IL6ST: variants seen among roughly 807,000 people sequenced by gnomAD.
The protein encoded by IL6ST is interleukin 6 cytokine family signal transducer.
Under a neutral mutation model 91.3 loss-of-function variants are expected in IL6ST, and 24 were observed. The observed-to-expected ratio is 0.26, with a 90% confidence interval of 0.19 to 0.37. The LOEUF is 0.37. Among genes scored for constraint, IL6ST ranks in the 10% least tolerant of loss-of-function variants. The pLI, the probability that IL6ST is intolerant of heterozygous loss-of-function variation, is 1.00. For synonymous variants in IL6ST, 351 were observed against 373.6 expected, an observed-to-expected ratio of 0.94 and a Z score of 0.70; for missense variants, 914 against 1,078.5, an observed-to-expected ratio of 0.85 and a Z score of 2.14.
chr5:55,958,526 G>A (rs1752117091), intron 8 of IL6ST, among the ~76,000 whole-genome samples: 1 of 152,042 alleles, frequency 6.6e-6, no homozygotes, highest in Non-Finnish European at 1.5e-5. Context: ...AGTAGAATAA[G>A]ACAGGAGTTG....
At chr5:55,952,397 A>G (rs1351939491) in intron 11 of IL6ST, 46 bp from the exon 12 acceptor site, 6 of 1,111,360 alleles carry the variant, frequency 5.4e-6, no homozygotes, top group Non-Finnish European at 8.0e-6. Flanking sequence ...ATAATGAAAA[A>G]GTCAAGTTAA....
chr5:55,958,534 T>C (rs929974651), intron 8 of IL6ST, among the ~76,000 whole-genome samples: 2 of 151,534 alleles, frequency 1.3e-5, no homozygotes, highest in Non-Finnish European at 1.5e-5. Flanking sequence ...AAGACAGGAG[T>C]TGAATAAAAT....
intron 12 of IL6ST, 37 bp from the exon 13 acceptor site, chr5:55,952,112 A>G (rs777810683): frequency 1.7e-5 from 27 of 1,584,212 alleles, no homozygotes; most frequent in Non-Finnish European, 2.2e-5. Context: ...ACTGAAAATC[A>G]TTTACAATCT....
chr5:55,975,942 TTTAAAG>T (rs1012058296), intron 3 of IL6ST, among the ~76,000 whole-genome samples: 5 of 151,564 alleles, frequency 3.3e-5, no homozygotes, highest in Admixed American at 3.3e-4. Context: ...CCTTCCCCAT[TTTAAAG>T]TTATTGTTAG....
At chr5:55,988,972 A>T (rs1251673211) in intron 1 of IL6ST, among the ~76,000 whole-genome samples, 3 of 151,396 alleles carry the variant, frequency 2.0e-5, no homozygotes, top group African/African-American at 4.9e-5. Flanking sequence ...AAATAAAAAA[A>T]AAAATCAGCC....
intron 1 of IL6ST, among the ~76,000 whole-genome samples, chr5:55,987,071 G>A (rs1754017049): frequency 6.6e-6 from 1 of 152,190 alleles, no homozygotes; most frequent in African/African-American, 2.4e-5. Flanking sequence ...AGGCTGAGGT[G>A]AGAGGACTGC....
At chr5:55,945,853 G>C (rs1282127049) in intron 15 of IL6ST, among the ~76,000 whole-genome samples, 10 of 151,768 alleles carry the variant, frequency 6.6e-5, no homozygotes, top group Non-Finnish European at 1.3e-4. Flanking sequence ...TAGCCACTGT[G>C]TTAGCCAGGA....
chr5:55,957,194 A>C lies in IL6ST; in HGVS notation c.1056+15T>G. 7.6e-7 allele frequency: 1 copy of C among 1,310,350 alleles called. No individual in the cohort carries two copies. Among genetic ancestry groups the C allele is most frequent in the South Asian group, 1.3e-5 (1 of 74,574 alleles). The allele number at this position is 1,310,350 out of a possible 1,614,324, so 81.2% of individuals were successfully genotyped here. On this transcript the variant is annotated intron_variant, in intron 9 of 16. Transcript: ENST00000381298. The stretch of plus-strand genomic sequence containing the variant: ...AAAGATTTATAAGAGATAAAATATA[A>C]ATGTGATTTTTTACCTTCCACACGA...
At chr5:55,960,691 G>A (rs994894367) in intron 7 of IL6ST, 130 bp from the exon 8 acceptor site, 4 of 719,114 alleles carry the variant, frequency 5.6e-6, no homozygotes, top group East Asian at 5.9e-5. Context: ...GCAGTGGTGC[G>A]ATCTTGGCTC....
At chr5:55,941,841 A>G (rs1408462781) in intron 16 of IL6ST, 22 bp from the exon 17 acceptor site, 2 of 1,585,908 alleles carry the variant, frequency 1.3e-6, no homozygotes, top group Non-Finnish European at 1.7e-6. Context: ...AAAAAATTGT[A>G]TATGGCAAGT....
At chr5:55,967,088 G>C (rs564258187) in intron 5 of IL6ST, among the ~76,000 whole-genome samples, 148 of 151,962 alleles carry the variant, frequency 9.7e-4, no homozygotes, top group African/African-American at 3.4e-3. Flanking sequence ...GAGGCAGCCA[G>C]ATCACGAGGT....
At position 55,976,266 on chromosome 5, in the gene IL6ST, GC is replaced by G; in HGVS notation, c.12del (p.Leu4PhefsTer5). ...AACAAGGCTTGCACTAGCCAAGTCTGCAACGTCAACATCTTGCGCGGATATT... is the reference window on the plus strand; with the variant it reads ...AACAAGGCTTGCACTAGCCAAGTCTGAACGTCAACATCTTGCGCGGATATT... MLT[L>X]QTWLVQALFI... On this transcript the variant is annotated frameshift_variant, in exon 3 of 17. Coordinates refer to ENST00000381298, the MANE Select transcript of IL6ST (RefSeq NM_002184.4). LOFTEE classifies it high-confidence loss of function. 6.3e-7 allele frequency: 1 copy of G among 1,586,806 alleles called. No individual in the cohort carries two copies.
Position 55,941,770 on chromosome 5 carries a change from T to C in IL6ST, c.2069A>G (p.Asp690Gly), listed in dbSNP as rs1210887003. 1.2e-6 allele frequency: 2 copies of C among 1,613,350 alleles called. No individual in the cohort carries two copies. Among genetic ancestry groups the C allele is most frequent in the Admixed American group, 3.3e-5 (2 of 59,958 alleles). ...TGCTTCTATTTCCACAACACTTACA[T>C]CAGTGAAATTGCCATCTGAATACAT... ...DQMYSDGNFT[D>G]VSVVEIEAND... Residue 690 changes from aspartate to glycine, a missense_variant, in exon 17 of 17, where the codon GAT (aspartate) becomes GGT (glycine). Coordinates refer to ENST00000381298, the MANE Select transcript of IL6ST (RefSeq NM_002184.4).
chr5:55,989,865 G>A (rs1334490269), intron 1 of IL6ST, among the ~76,000 whole-genome samples: 1 of 151,976 alleles, frequency 6.6e-6, no homozygotes, highest in African/African-American at 2.4e-5. Context: ...ATTGTCAAGT[G>A]AAGATTACCA....
chr5:55,952,302 A>G lies in IL6ST; in HGVS notation c.1500T>C (p.Tyr500=), dbSNP rs756540527. The G allele has an allele frequency of 1.2e-6, 2 of 1,610,472 alleles. No homozygotes were observed. Among genetic ancestry groups the G allele is most frequent in the South Asian group, 2.2e-5 (2 of 90,606 alleles). The change falls in exon 12 of 17, where the codon TAT becomes TAC. Residue 500 remains tyrosine (Y), a synonymous_variant. Transcript: ENST00000381298. The stretch of plus-strand genomic sequence containing the variant: ...ATTCAGGGCTTCCTGGTCCATCAGC[A>G]TATACTGGAGTAACTGTTATCAAAT... ...KCYLITVTPV[Y]ADGPGSPESI...
Position 55,941,055 on chromosome 5 carries a change from G to C in IL6ST, c.*27C>G. On this transcript the variant is annotated 3_prime_UTR_variant, in exon 17 of 17. Coordinates refer to ENST00000381298, the MANE Select transcript of IL6ST (RefSeq NM_002184.4). ...TTAGCTTTACTTTATAGGTACTGCT[G>C]AAGTTGTAGCAGGAACTACTAGTCC... 1 of 1,568,392 alleles carries C rather than the reference G, an allele frequency of 6.4e-7. No homozygotes were observed.
At position 55,937,023 on chromosome 5, in the gene IL6ST, T is replaced by C. The variant is rs770803841; in HGVS notation, c.*4059A>G. ...ATATTGAGACTAGAGAATTTTCAAA[T>C]ATCTACCTTTGAAATATCCCTTTGT... On this transcript the variant is annotated 3_prime_UTR_variant, in exon 17 of 17. Transcript: ENST00000381298. 2.6e-4 allele frequency: 53 copies of C among 200,470 alleles called. No individual in the cohort carries two copies. The highest frequency in any genetic ancestry group is 4.5e-4 in the Non-Finnish European group (44 of 97,134). 12.4% of individuals were successfully genotyped at this position (200,470 alleles called of 1,614,324 possible). A position where few individuals can be genotyped will look rare whatever the true frequency, so the allele number is the denominator to read the frequency against.
At position 55,944,614 on chromosome 5, in the gene IL6ST, C is replaced by G. The variant is rs1348772412; in HGVS notation, c.1938-1863G>C. On this transcript the variant is annotated intron_variant, in intron 15 of 16. Transcript: ENST00000381298. ...ACTCAGTAGCGTTAAGACTGCAGTT[C>G]TCTCTCGGCCTTAGCGCCATTTTTT... 1.7e-5 allele frequency: 11 copies of G among 648,044 alleles called. No homozygotes were observed. In the East Asian group the frequency reaches 3.5e-4, roughly 21 times the overall value. 40.1% of individuals were successfully genotyped at this position (648,044 alleles called of 1,614,324 possible). A position where few individuals can be genotyped will look rare whatever the true frequency, so the allele number is the denominator to read the frequency against.
chr5:55,974,490 A>ATT (rs11437778), intron 3 of IL6ST, among the ~76,000 whole-genome samples: 9 of 146,720 alleles, frequency 6.1e-5, no homozygotes, highest in African/African-American at 7.5e-5. Flanking sequence ...CCAAGCTCAG[A>ATT]TTTTTTTTTT....
Sources: allele counts gnomAD v4.1 joint callset (sites outside exome capture counted in the v4.1 genomes callset), GRCh38; gene constraint gnomAD v4.1.1; transcripts MANE v1.5; gene names NCBI Gene and HGNC (gene_info 2026-07-23, HGNC 2026-07-21).